The following RBM33 variants were observed in gnomAD, a reference collection of about 807,000 sequenced individuals.
RBM33 encodes the protein RNA binding motif protein 33.
RBM33 carries 28 observed loss-of-function variants against 132.6 expected under a neutral mutation model. The ratio of observed to expected loss-of-function variants is 0.21; its 90% CI spans 0.16 to 0.29. The LOEUF (loss-of-function observed/expected upper bound fraction) is 0.29. Ranked by LOEUF, RBM33 falls within the 10% of genes least tolerant of loss-of-function variation. RBM33 has a pLI of 1.00. For synonymous variants in RBM33, 634 were observed against 593.0 expected, an observed-to-expected ratio of 1.07 and a Z score of -1.01; for missense variants, 1,291 against 1,518.5, an observed-to-expected ratio of 0.85 and a Z score of 2.49.
chr7:155,646,554 A>T (rs1046123103), intron 1 of RBM33, among the ~76,000 whole-genome samples: 6 of 152,100 alleles, frequency 3.9e-5, no homozygotes, highest in African/African-American at 1.4e-4. Context: ...TGCTTCCTTT[A>T]TCCTGGAAGT....
At chr7:155,702,931 G>C (rs1486640354) in intron 6 of RBM33, among the ~76,000 whole-genome samples, 1 of 152,074 alleles carries the variant, frequency 6.6e-6, no homozygotes, top group Admixed American at 6.5e-5. Flanking sequence ...ACAAATGGGG[G>C]CTTTCCCCAA....
In RBM33 at chr7:155,679,127, G is replaced by A. The variant is rs558074582; in HGVS notation, c.248+443G>A. On this transcript the variant is annotated intron_variant, in intron 4 of 17. Transcript: ENST00000401878. ...GTGGAGGTTGCAGTGAGCCGAGATT[G>A]TGCCACTGCACTCCAGCCTGGGAGA... Among the ~76,000 whole-genome samples the A allele has an allele frequency of 3.9e-5, 6 of 152,194 alleles. No individual in the cohort carries two copies. The South Asian group carries it at 6.2e-4, about 16-fold the overall frequency.
At chr7:155,707,243 G>A in intron 7 of RBM33, 175 bp downstream of exon 7, 6 of 711,524 alleles carry the variant, frequency 8.4e-6, no homozygotes, top group Non-Finnish European at 1.6e-5. Context: ...TATAGTCTTA[G>A]AAATTCAGCA....
chr7:155,683,421 T>A (rs1799389909), intron 5 of RBM33, among the ~76,000 whole-genome samples: 1 of 152,226 alleles, frequency 6.6e-6, no homozygotes, highest in Non-Finnish European at 1.5e-5. Context: ...GTGATTTTTG[T>A]TCTCCCTTGG....
chr7:155,768,824 A>G (rs868791113), intron 16 of RBM33, among the ~76,000 whole-genome samples: 9 of 152,208 alleles, frequency 5.9e-5, no homozygotes, highest in South Asian at 2.1e-4. Flanking sequence ...TGTGTTAGCC[A>G]GGATGGTCTT....
chr7:155,644,870 G>A lies in RBM33; in HGVS notation c.-7G>A. ...GGGGAGGCTGAAGGCCGGGCCCCGC[G>A]AGTGCCATGGCGGCCGCCCTGGGAG... On this transcript the variant is annotated 5_prime_UTR_variant, in exon 1 of 18. Transcript: ENST00000401878. The A allele has an allele frequency of 6.7e-7, 1 of 1,491,762 alleles. No individual in the cohort carries two copies. The highest frequency in any genetic ancestry group is 8.9e-7 in the Non-Finnish European group (1 of 1,126,720). The allele number at this position is 1,491,762 out of a possible 1,614,324, so 92.4% of individuals were successfully genotyped here.
At chr7:155,701,113 C>T (rs1335224020) in intron 6 of RBM33, 169 bp downstream of exon 6, 2 of 616,828 alleles carry the variant, frequency 3.2e-6, no homozygotes, top group Non-Finnish European at 5.8e-6. Flanking sequence ...CTGTAAAACT[C>T]ATTCTTTAAA....
intron 8 of RBM33, among the ~76,000 whole-genome samples, chr7:155,713,415 G>C (rs1013029431): frequency 2.6e-5 from 4 of 152,124 alleles, no homozygotes; most frequent in Admixed American, 6.5e-5. Context: ...TGACACAGGA[G>C]GGGGAGGGGC....
At chr7:155,683,855 G>T (rs1799401686) in intron 5 of RBM33, among the ~76,000 whole-genome samples, 1 of 152,158 alleles carries the variant, frequency 6.6e-6, no homozygotes, top group African/African-American at 2.4e-5. Flanking sequence ...ATTTCAGGTT[G>T]ACATTTTATG....
intron 13 of RBM33, among the ~76,000 whole-genome samples, chr7:155,743,787 A>G (rs924135561): frequency 6.6e-6 from 1 of 152,122 alleles, no homozygotes; most frequent in Non-Finnish European, 1.5e-5. Context: ...AATTCCGATG[A>G]CTAGTAATTA....
rs116290367 is a variant in RBM33, at chr7:155,740,335, A to C, written c.2049+309A>C. On this transcript the variant is annotated intron_variant, in intron 12 of 17. Transcript: ENST00000401878. ...GGAATTAATAGACACGTAACTTTAGAAAATACTTTTGGGTGGTAGTCACTT... is the reference window on the plus strand; with the variant it reads ...GGAATTAATAGACACGTAACTTTAGCAAATACTTTTGGGTGGTAGTCACTT... Among the ~76,000 whole-genome samples the C allele has an allele frequency of 3.5e-3, 535 of 152,336 alleles. 4 individuals carry two copies. The highest frequency in any genetic ancestry group is 0.012 in the African/African-American group (506 of 41,572).
chr7:155,764,103 A>G (rs1802135941), intron 15 of RBM33, 85 bp downstream of exon 15: 18 of 1,080,758 alleles, frequency 1.7e-5, no homozygotes, highest in Admixed American at 2.9e-5. Flanking sequence ...TTTGTAGCGC[A>G]TGGCACACAG....
In RBM33 at chr7:155,706,857, T is replaced by C; in HGVS notation, c.740-3T>C. The C allele has an allele frequency of 1.3e-6, 2 of 1,594,780 alleles. No homozygotes were observed. Among genetic ancestry groups the C allele is most frequent in the East Asian group, 2.3e-5 (1 of 44,354 alleles). On this transcript the variant is annotated splice_polypyrimidine_tract_variant and splice_region_variant and intron_variant, in intron 6 of 17. Transcript: ENST00000401878. ...ACTAACACATACACATTTTTTCACA[T>C]AGAGCTTTCAGCAGAGGCCAAGGCA... is the stretch of plus-strand genomic sequence containing the variant.
intron 1 of RBM33, among the ~76,000 whole-genome samples, chr7:155,649,816 A>G (rs1798306390): frequency 6.6e-6 from 1 of 152,240 alleles, no homozygotes; most frequent in Non-Finnish European, 1.5e-5. Flanking sequence ...ACCAAAAAAC[A>G]AACAAAAACT....
intron 15 of RBM33, among the ~76,000 whole-genome samples, chr7:155,765,749 A>G (rs1802194447): frequency 6.6e-6 from 1 of 152,210 alleles, no homozygotes; most frequent in African/African-American, 2.4e-5. Context: ...CCTCTTCTTT[A>G]AAAGTTCCTT....
intron 7 of RBM33, among the ~76,000 whole-genome samples, chr7:155,708,103 A>C (rs1053867087): frequency 2.0e-5 from 3 of 152,270 alleles, no homozygotes; most frequent in African/African-American, 7.2e-5. Context: ...AGAGAAAACG[A>C]CATTTCACTT....
intron 16 of RBM33, among the ~76,000 whole-genome samples, chr7:155,771,618 T>C (rs965269918): frequency 3.9e-5 from 6 of 152,232 alleles, no homozygotes; most frequent in African/African-American, 1.4e-4. Flanking sequence ...ATTGGCAGCC[T>C]GATACCCTCA....
At chr7:155,755,818 G>T (rs1000956110) in intron 14 of RBM33, among the ~76,000 whole-genome samples, 1 of 143,126 alleles carries the variant, frequency 7.0e-6, no homozygotes, top group African/African-American at 2.7e-5. Flanking sequence ...GGGGGCTACA[G>T]ACCTCTTTTT....
intron 16 of RBM33, among the ~76,000 whole-genome samples, chr7:155,770,655 G>A (rs1802397309): frequency 6.6e-6 from 1 of 150,980 alleles, no homozygotes; most frequent in Non-Finnish European, 1.5e-5. Context: ...GTTGGCCAGA[G>A]GGAGAAAAAG....
Sources: allele counts gnomAD v4.1 joint callset (sites outside exome capture counted in the v4.1 genomes callset), GRCh38; gene constraint gnomAD v4.1.1; transcripts MANE v1.5; gene names NCBI Gene and HGNC (gene_info 2026-07-23, HGNC 2026-07-21).